The following MYBPC1 variants were observed in gnomAD, a reference collection of about 807,000 sequenced individuals.
MYBPC1 encodes the protein myosin binding protein C1, also known as myosin-binding protein C, slow-type.
In MYBPC1, 52 loss-of-function variants were observed where a neutral mutation model predicts 147.1. The observed-to-expected ratio is 0.35, with a 90% CI of 0.28 to 0.45. MYBPC1 has a LOEUF of 0.45. Ranked by LOEUF, MYBPC1 falls within the 20% of genes least tolerant of loss-of-function variation. The pLI, the probability that MYBPC1 is intolerant of heterozygous loss-of-function variation, is 1.00. For missense variants in MYBPC1, 1,228 were observed against 1,440.3 expected (o/e 0.85, Z 2.39); for synonymous variants, 477 against 475.9 (o/e 1.00, Z -0.03).
downstream of MYBPC1, among the ~76,000 whole-genome samples, chr12:101,687,347 GT>G (rs776832324): frequency 1.7e-3 from 255 of 152,138 alleles, 1 homozygote; most frequent in Middle Eastern, 6.8e-3. Context: ...CCTTGCAATA[GT>G]TTGCTGAGAA....
At chr12:101,681,377 A>G (rs1385656132) in intron 29 of MYBPC1, among the ~76,000 whole-genome samples, 1 of 151,504 alleles carries the variant, frequency 6.6e-6, no homozygotes, top group Non-Finnish European at 1.5e-5. Flanking sequence ...TTCTGTAATA[A>G]CCAAAATCTT....
At chr12:101,654,530 T>C (rs1438893573) in intron 18 of MYBPC1, among the ~76,000 whole-genome samples, 5 of 152,104 alleles carry the variant, frequency 3.3e-5, no homozygotes, top group African/African-American at 9.7e-5. Context: ...AGGACTCCCA[T>C]TGTACAAGGA....
the MYBPC1 span, among the ~76,000 whole-genome samples, chr12:101,693,166 T>G: frequency 6.6e-6 from 1 of 152,134 alleles, no homozygotes; most frequent in African/African-American, 2.4e-5. Context: ...CAGGATGGTC[T>G]CGATCTCCTG....
chr12:101,654,970 A>C (rs2136342138), intron 18 of MYBPC1, among the ~76,000 whole-genome samples: 1 of 152,362 alleles, frequency 6.6e-6, no homozygotes, highest in South Asian at 2.1e-4. Flanking sequence ...TTATATAGGA[A>C]TACAAAAATA....
At chr12:101,689,303 T>C (rs922264363), downstream of MYBPC1, among the ~76,000 whole-genome samples, 3 of 152,028 alleles carry the variant, frequency 2.0e-5, no homozygotes, top group Non-Finnish European at 4.4e-5. Context: ...GCCCAGAAAA[T>C]GGAGAGAAGG....
rs566819469 is a variant in MYBPC1 at position 101,651,805 on chromosome 12, T to G, written c.1526+412T>G. Among the ~76,000 whole-genome samples, 24 of 152,192 alleles carry G rather than the reference T, an allele frequency of 1.6e-4. No individual in the cohort carries two copies. The South Asian group carries it at 4.8e-3, about 30-fold the overall frequency. On this transcript the variant is annotated intron_variant, in intron 16 of 31. Transcript: ENST00000361466. ...AAACACAAAAATTAGCCAGGCGTGG[T>G]GGCATGCACCTGTAATCCCAACTAC...
downstream of MYBPC1, among the ~76,000 whole-genome samples, chr12:101,686,665 T>C (rs988833386): frequency 6.6e-6 from 1 of 152,216 alleles, no homozygotes; most frequent in African/African-American, 2.4e-5. Context: ...TTTTGGTCTT[T>C]TGTTGCAGGA....
downstream of MYBPC1, among the ~76,000 whole-genome samples, chr12:101,689,995 C>T (rs566851547): frequency 2.0e-4 from 31 of 152,220 alleles, no homozygotes; most frequent in East Asian, 3.9e-4. Flanking sequence ...GCCAACATGG[C>T]GAAAACCCGT....
At chr12:101,641,902 A>T (rs1161178468) in intron 10 of MYBPC1, among the ~76,000 whole-genome samples, 1 of 152,024 alleles carries the variant, frequency 6.6e-6, no homozygotes, top group Non-Finnish European at 1.5e-5. Context: ...GGAAAATGCT[A>T]TTTGCAAAAT....
chr12:101,685,016 C>G (rs1165562814), intron 31 of MYBPC1, among the ~76,000 whole-genome samples: 1 of 151,852 alleles, frequency 6.6e-6, no homozygotes. Flanking sequence ...GTTTCTCGCA[C>G]CTTCAGAAAG....
Position 101,667,762 on chromosome 12 carries a change from T to C in MYBPC1, c.2387T>C (p.Leu796Pro), listed in dbSNP as rs1389014626. 2 of 1,614,216 alleles carry C rather than the reference T, an allele frequency of 1.2e-6. No individual in the cohort carries two copies. The highest frequency in any genetic ancestry group is 1.1e-5 in the South Asian group (1 of 91,084). Residue 796 changes from leucine (L) to proline (P), a missense_variant, in exon 23 of 32, where the codon CTG becomes CCG. Coordinates refer to ENST00000361466, the MANE Select transcript of MYBPC1 (RefSeq NM_002465.4). ...TEDWIVANKD[L>P]IDKTKFTITG... Reference sequence around the variant, plus strand: ...GACTGGATAGTTGCAAACAAAGATCTGATTGACAAGACGAAGTTCACCATC... The same window carrying C: ...GACTGGATAGTTGCAAACAAAGATCCGATTGACAAGACGAAGTTCACCATC...
In MYBPC1 at chr12:101,624,554, G is replaced by A. The variant is rs547142458; in HGVS notation, c.104-2318G>A. On this transcript the variant is annotated intron_variant, in intron 3 of 31. Coordinates refer to ENST00000361466, the MANE Select transcript of MYBPC1 (RefSeq NM_002465.4). The stretch of plus-strand genomic sequence containing the variant: ...CCACGCTAGAGTACAGTGGCGTGAT[G>A]ATGGCTCACTACAGCCTCCAATTCC... Among the ~76,000 whole-genome samples the A allele has an allele frequency of 2.0e-4, 30 of 152,100 alleles. 2 individuals are homozygous for A. Among genetic ancestry groups the A allele is most frequent in the African/African-American group, 6.5e-4 (27 of 41,522 alleles).
At chr12:101,605,944 A>C (rs1593615137) in intron 1 of MYBPC1, among the ~76,000 whole-genome samples, 1 of 151,884 alleles carries the variant, frequency 6.6e-6, no homozygotes, top group Non-Finnish European at 1.5e-5. Flanking sequence ...CCTGTAATCC[A>C]AGCACTTTGG....
At chr12:101,685,452 T>C in intron 31 of MYBPC1, 130 bp from the exon 32 acceptor site, 2 of 682,326 alleles carry the variant, frequency 2.9e-6, no homozygotes, top group Non-Finnish European at 5.1e-6. Context: ...AAGTAGAGAC[T>C]GAATGAATCT....
At chr12:101,662,945 C>T (rs1175842240) in intron 21 of MYBPC1, among the ~76,000 whole-genome samples, 3 of 152,074 alleles carry the variant, frequency 2.0e-5, no homozygotes, top group South Asian at 4.1e-4. Flanking sequence ...CAACAGGCTA[C>T]ACTTGGAAAC....
intron 1 of MYBPC1, among the ~76,000 whole-genome samples, chr12:101,595,565 C>CT (rs76085227): frequency 0.013 from 1,967 of 151,976 alleles, 67 homozygotes; most frequent in East Asian, 0.11. Flanking sequence ...ATATTTGCTA[C>CT]TTTTTTTAAT....
chr12:101,614,511 C>A lies in MYBPC1; in HGVS notation c.41C>A (p.Ala14Asp). The A allele has an allele frequency of 1.2e-6, 2 of 1,613,794 alleles. No homozygotes were observed. The highest frequency in any genetic ancestry group is 1.1e-5 in the South Asian group (1 of 91,048). ...CCATTTCTAGAAAATGAAGTGCCAG[C>A]CCCAGCCCCACCCCCGGAAGGTGAG... ...PTKKEENEVP[A>D]PAPPPEEPSK... Residue 14 changes from alanine to aspartate, a missense_variant, in exon 2 of 32, where the codon GCC (alanine) becomes GAC (aspartate). This residue lies in a region of MYBPC1 where 151 missense variants were observed against 126.1 expected (regional missense o/e 1.20). Transcript: ENST00000361466.
intron 3 of MYBPC1, among the ~76,000 whole-genome samples, chr12:101,625,727 G>A (rs895611650): frequency 6.6e-6 from 1 of 152,218 alleles, no homozygotes; most frequent in African/African-American, 2.4e-5. Context: ...TGTTGGGTTA[G>A]GCTGCATCTG....
At chr12:101,609,998 C>A (rs1883671187) in intron 1 of MYBPC1, among the ~76,000 whole-genome samples, 1 of 152,144 alleles carries the variant, frequency 6.6e-6, no homozygotes, top group Admixed American at 6.5e-5. Context: ...GCAAAGCTAG[C>A]CATGACAGGA....
Sources: allele counts gnomAD v4.1 joint callset (sites outside exome capture counted in the v4.1 genomes callset), GRCh38; gene constraint gnomAD v4.1.1; regional missense constraint gnomAD v4.1.1; transcripts MANE v1.5; gene names NCBI Gene and HGNC (gene_info 2026-07-23, HGNC 2026-07-21).